The following ARMC5 variants were observed in gnomAD, a reference collection of about 807,000 sequenced individuals.
The protein encoded by ARMC5 is armadillo repeat-containing protein 5.
ARMC5 carries 28 observed loss-of-function variants against 60.5 expected under a neutral mutation model. The ratio of observed to expected loss-of-function variants is 0.46; its 90% CI spans 0.34 to 0.63. The LOEUF (loss-of-function observed/expected upper bound fraction) is 0.63. ARMC5 is among the 30% of genes least tolerant of loss of function. The pLI, the probability that ARMC5 is intolerant of heterozygous loss-of-function variation, is 0.01. For missense variants in ARMC5, 1,189 were observed against 1,304.9 expected, an observed-to-expected ratio of 0.91 and a Z score of 1.37; for synonymous variants, 680 against 607.3, an observed-to-expected ratio of 1.12 and a Z score of -1.76.
In ARMC5 at chr16:31,464,502, G is replaced by T. The variant is rs376497413; in HGVS notation, c.1479G>T (p.Pro493=). 6.2e-7 allele frequency: 1 copy of T among 1,607,050 alleles called. No individual in the cohort carries two copies. The highest frequency in any genetic ancestry group is 1.7e-5 in the Admixed American group (1 of 59,584). ...PEPMEPASPA[P]TPTSLRAPRT... is the part of the protein sequence containing the mutation. The stretch of plus-strand genomic sequence containing the variant: ...CCATGGAGCCGGCCAGCCCCGCCCC[G>T]ACCCCGACCTCGCTGCGGGCACCAC... Residue 493 remains proline, a synonymous_variant, in exon 4 of 6, where the codon CCG becomes CCT. Transcript: ENST00000268314. This position sits in a 1 kb window ranked among gnomAD's most constrained non-coding sequence, Gnocchi z 7.6.
chr16:31,458,514 A>G (rs1047381148), upstream of ARMC5: 87 of 1,534,988 alleles, frequency 5.7e-5, no homozygotes, highest in Non-Finnish European at 7.2e-5. Flanking sequence ...AAGGCTTGTC[A>G]CCAGAGGGGC....
chr16:31,465,727 C>T (rs1596606708), intron 4 of ARMC5, 123 bp from the exon 5 acceptor site: 3 of 1,530,608 alleles, frequency 2.0e-6, no homozygotes, highest in Non-Finnish European at 2.6e-6. Context: ...ACTGTCTCTT[C>T]AGTGCCCTGA....
intron 1 of ARMC5, chr16:31,460,314 G>C: frequency 5.8e-6 from 2 of 346,670 alleles, no homozygotes; most frequent in Non-Finnish European, 1.1e-5. Flanking sequence ...GTCCAGTTAT[G>C]ATGTTCATAG....
upstream of ARMC5, chr16:31,459,364 GGACA>G (rs1447843051): frequency 7.2e-6 from 11 of 1,536,162 alleles, no homozygotes; most frequent in African/African-American, 4.1e-5. Flanking sequence ...TCGTGTGCAA[GGACA>G]GACTTCCGGG....
upstream of ARMC5, chr16:31,459,261 G>A: frequency 1.3e-6 from 2 of 1,533,854 alleles, no homozygotes; most frequent in East Asian, 2.4e-5. Context: ...AGCGCTTCCC[G>A]AGGTAGGCGT....
upstream of ARMC5, chr16:31,458,964 G>A (rs2082271971): frequency 6.5e-7 from 1 of 1,535,622 alleles, no homozygotes. Context: ...GGAAGCGGCA[G>A]CGAACGTTCT....
In ARMC5 at chr16:31,466,667, C is replaced by T. The variant is rs1196306641; in HGVS notation, c.2586C>T (p.Pro862=). Residue 862 remains proline (P), a synonymous_variant, in exon 6 of 6, where the codon CCC becomes CCT. Coordinates refer to ENST00000268314, the MANE Select transcript of ARMC5 (RefSeq NM_001105247.2). The surrounding 1 kb of genome is among the most constrained non-coding windows in gnomAD (Gnocchi z 8.0). ...EEAVGRIHLG[P]QGGPESVGEV... Reference sequence around the variant, plus strand: ...CCGTGGGCCGCATCCACCTGGGACCCCAGGGTGGCCCGGAGTCAGTGGGTG... The same window carrying T: ...CCGTGGGCCGCATCCACCTGGGACCTCAGGGTGGCCCGGAGTCAGTGGGTG... 2 of 1,578,680 alleles carry T rather than the reference C, an allele frequency of 1.3e-6. No individual in the cohort carries two copies. Among genetic ancestry groups the T allele is most frequent in the South Asian group, 1.2e-5 (1 of 86,870 alleles).
rs201559372 is a variant in ARMC5, at chr16:31,466,153, C to G, written c.2072C>G (p.Pro691Arg). Residue 691 changes from proline (P) to arginine (R), a missense_variant, in exon 6 of 6, where the codon CCG (proline) becomes CGG (arginine). Physicochemically the swap from Pro to Arg is moderately radical, Grantham distance 103. Around this residue, in one of 2 missense-constraint regions of ARMC5, gnomAD observed 862 missense variants for 1,071.2 expected, o/e 0.80. Coordinates refer to ENST00000268314, the MANE Select transcript of ARMC5 (RefSeq NM_001105247.2). The surrounding 1 kb of genome is among the most constrained non-coding windows in gnomAD (Gnocchi z 8.0). ...CTCCTCCTTGCGGCGCTGACCCGGC[C>G]GGCCCCACACCCGCTCTTCCTCTTC... ...LRLLLAALTR[P>R]APHPLFLFFA... is the part of the protein sequence containing the mutation. The G allele has an allele frequency of 1.2e-6, 2 of 1,607,668 alleles. No homozygotes were observed. The highest frequency in any genetic ancestry group is 1.3e-5 in the African/African-American group (1 of 74,848).
Position 31,466,451 on chromosome 16 carries a change from G to A in ARMC5, c.2370G>A (p.Val790=). The A allele has an allele frequency of 6.2e-7, 1 of 1,611,776 alleles. No homozygotes were observed. Among genetic ancestry groups the A allele is most frequent in the South Asian group, 1.1e-5 (1 of 91,082 alleles). ...TTGCAGAAGCCCAGATGGACCTGGT[G>A]CCCCTGCGAGGTCTGTCGCCTGGTG... ...GSFAEAQMDL[V]PLRGLSPGAA... is the part of the protein sequence containing the mutation. The change falls in exon 6 of 6, where the codon GTG becomes GTA. Residue 790 remains valine (V), a synonymous_variant. Transcript: ENST00000268314. This position sits in a 1 kb window ranked among gnomAD's most constrained non-coding sequence, Gnocchi z 8.0.
Position 31,467,120 on chromosome 16 carries a change from C to T in ARMC5, c.*231C>T. 1 of 473,504 alleles carries T rather than the reference C, an allele frequency of 2.1e-6. No homozygotes were observed. The highest frequency in any genetic ancestry group is 3.4e-5 in the East Asian group (1 of 29,248). 29.3% of individuals were successfully genotyped at this position (473,504 alleles called of 1,614,324 possible). On this transcript the variant is annotated 3_prime_UTR_variant, in exon 6 of 6. Transcript: ENST00000268314. ...ACAGCCCAGAGCCCCAGGTGCCTGG[C>T]CTGGCCTAGACCTCTGGAATTGAGA...
Position 31,459,854 on chromosome 16 carries a change from C to A in ARMC5, c.330C>A (p.Ala110=). The stretch of plus-strand genomic sequence containing the variant: ...GCCCCGCCCCCGCGTCGGGCCCCGC[C>A]CCCTCCGCTGTGTCGTCGTCTAGTC... ...ASSPAPASGP[A]PSAVSSSSPT... Residue 110 remains alanine (A), a synonymous_variant, in exon 1 of 6, where the codon GCC becomes GCA. Transcript: ENST00000268314. 4 of 1,594,090 alleles carry A rather than the reference C, an allele frequency of 2.5e-6. No individual in the cohort carries two copies. The highest frequency in any genetic ancestry group is 3.4e-6 in the Non-Finnish European group (4 of 1,175,834).
At position 31,464,344 on chromosome 16, in the gene ARMC5, C is replaced by T; in HGVS notation, c.1371-50C>T. The T allele has an allele frequency of 2.1e-6, 3 of 1,430,516 alleles. No homozygotes were observed. The highest frequency in any genetic ancestry group is 2.9e-5 in the South Asian group (2 of 68,424). 88.6% of individuals were successfully genotyped at this position (1,430,516 alleles called of 1,614,324 possible). On this transcript the variant is annotated intron_variant, in intron 3 of 5. Coordinates refer to ENST00000268314, the MANE Select transcript of ARMC5 (RefSeq NM_001105247.2). This position sits in a 1 kb window ranked among gnomAD's most constrained non-coding sequence, Gnocchi z 7.6. ...CGCCTCACGCCTCTTGGACTCTGCC[C>T]CTTAACCTTGGCTCTGGGTTCAGTC... is the stretch of plus-strand genomic sequence containing the variant.
chr16:31,464,930 C>T lies in ARMC5; in HGVS notation c.1864+43C>T. ...CCCGTCTCCTTGCCCCCATGTGAGT[C>T]CCCATCCTCCCCCATGGCTTCCATG... On this transcript the variant is annotated intron_variant, in intron 4 of 5. Transcript: ENST00000268314. The surrounding 1 kb of genome is among the most constrained non-coding windows in gnomAD (Gnocchi z 7.6). 6.2e-7 allele frequency: 1 copy of T among 1,611,586 alleles called. No individual in the cohort carries two copies. Among genetic ancestry groups the T allele is most frequent in the Non-Finnish European group, 8.5e-7 (1 of 1,179,410 alleles).
Position 31,465,856 on chromosome 16 carries a change from G to T in ARMC5, c.1871G>T (p.Arg624Met). The stretch of plus-strand genomic sequence containing the variant: ...ACAAGCTTTCCACTCACAGGGGAGA[G>T]GCTACTGCAGAACCTGACGGTTCAG... The part of the protein sequence containing the change: ...LHSRHRELGE[R>M]LLQNLTVQAE... Residue 624 changes from arginine to methionine, a missense_variant, in exon 5 of 6, where the codon AGG (arginine) becomes ATG (methionine). Transcript: ENST00000268314. 1 of 1,609,328 alleles carries T rather than the reference G, an allele frequency of 6.2e-7. No homozygotes were observed.
In ARMC5 at chr16:31,464,651, T is replaced by C. The variant is rs1441581201; in HGVS notation, c.1628T>C (p.Val543Ala). ...SQAPDPSGALVTGPALYGLLT... is the reference protein window; with the variant it reads ...SQAPDPSGALATGPALYGLLT... ...GCCCCTGACCCAAGTGGGGCACTTG[T>C]GACCGGCCCGGCGCTGTACGGCCTG... The change falls in exon 4 of 6, where the codon GTG (valine) becomes GCG (alanine). Residue 543 changes from valine (V) to alanine (A), a missense_variant. Around this residue, in one of 2 missense-constraint regions of ARMC5, gnomAD observed 862 missense variants for 1,071.2 expected, o/e 0.80. Coordinates refer to ENST00000268314, the MANE Select transcript of ARMC5 (RefSeq NM_001105247.2). The surrounding 1 kb of genome is among the most constrained non-coding windows in gnomAD (Gnocchi z 7.6). 1 of 1,598,338 alleles carries C rather than the reference T, an allele frequency of 6.3e-7. No homozygotes were observed. Among genetic ancestry groups the C allele is most frequent in the Non-Finnish European group, 8.5e-7 (1 of 1,178,736 alleles).
chr16:31,463,620 C>G (rs937698551), intron 3 of ARMC5, among the ~76,000 whole-genome samples: 1 of 152,038 alleles, frequency 6.6e-6, no homozygotes, highest in Admixed American at 6.6e-5. Context: ...GTTGCCCAGG[C>G]TGGTCTTGAA....
At position 31,459,628 on chromosome 16, in the gene ARMC5, C is replaced by T. The variant is rs2082281782; in HGVS notation, c.104C>T (p.Thr35Ile). Reference protein sequence around the residue: ...EALGGEKDPATNETPLSRALL... With the variant: ...EALGGEKDPAINETPLSRALL... ...CTGGGTGGGGAAAAGGACCCAGCGA[C>T]CAACGAGACACCCCTGAGCCGCGCG... The change falls in exon 1 of 6, where the codon ACC (threonine) becomes ATC (isoleucine). Residue 35 changes from threonine to isoleucine, a missense_variant. Thr to Ile is a moderately conservative substitution (Grantham distance 89). This residue lies in a region of ARMC5 where 327 missense variants were observed against 233.7 expected (regional missense o/e 1.40). Transcript: ENST00000268314. 6.3e-7 allele frequency: 1 copy of T among 1,597,568 alleles called. No homozygotes were observed. The highest frequency in any genetic ancestry group is 1.3e-5 in the African/African-American group (1 of 74,774).
At chr16:31,459,442 T>A, upstream of ARMC5, 3 of 1,544,106 alleles carry the variant, frequency 1.9e-6, no homozygotes, top group Non-Finnish European at 2.6e-6. Context: ...AGCGAGGCGG[T>A]GCCCGACGAT....
chr16:31,458,563 G>T, upstream of ARMC5: 1 of 1,509,710 alleles, frequency 6.6e-7, no homozygotes, highest in Non-Finnish European at 8.9e-7. Context: ...GCAGGCTGTG[G>T]TCAGTCCACA....
Sources: allele counts gnomAD v4.1 joint callset (sites outside exome capture counted in the v4.1 genomes callset), GRCh38; gene constraint gnomAD v4.1.1; regional missense constraint gnomAD v4.1.1; non-coding constraint Gnocchi (gnomAD v3.1); transcripts MANE v1.5; gene names NCBI Gene and HGNC (gene_info 2026-07-23, HGNC 2026-07-21).